TANC1: variants seen among roughly 807,000 people sequenced by gnomAD.
TANC1 encodes tetratricopeptide repeat, ankyrin repeat and coiled-coil containing 1.
A neutral mutation model predicts 149.7 loss-of-function variants in TANC1; 77 were observed. The ratio of observed to expected loss-of-function variants is 0.51; its 90% confidence interval spans 0.43 to 0.62. The LOEUF is 0.62. TANC1 is among the 20% of genes least tolerant of loss of function. TANC1 has a pLI of 0.00. For synonymous variants in TANC1, 854 were observed against 925.0 expected (o/e 0.92, Z 1.39); for missense variants, 1,985 against 2,321.8 (o/e 0.85, Z 2.98).
intron 2 of TANC1, among the ~76,000 whole-genome samples, chr2:159,019,480 A>G (rs2038601172): frequency 6.6e-6 from 1 of 152,104 alleles, no homozygotes; most frequent in Non-Finnish European, 1.5e-5. Context: ...TATGGGCCAC[A>G]CAATATCTGT....
In TANC1 at chr2:159,176,332, A is replaced by T. The variant is rs72951482; in HGVS notation, c.1736-20A>T. On this transcript the variant is annotated intron_variant, in intron 12 of 26. Transcript: ENST00000263635. ...GAAATGTATAATTTCTTAATTTGAA[A>T]AAATTATTTTATCCTGTAGAGCAGA... 174,593 of 1,397,428 alleles carry T rather than the reference A, an allele frequency of 0.12. 11,697 individuals are homozygous for T. Among genetic ancestry groups the T allele is most frequent in the South Asian group, 0.16 (11,846 of 73,176 alleles). The allele number at this position is 1,397,428 out of a possible 1,614,324, so 86.6% of individuals were successfully genotyped here. A position where few individuals can be genotyped will look rare whatever the true frequency, so the allele number is the denominator to read the frequency against.
At chr2:159,000,232 G>A (rs913338248) in intron 1 of TANC1, among the ~76,000 whole-genome samples, 3 of 152,142 alleles carry the variant, frequency 2.0e-5, no homozygotes, top group African/African-American at 7.2e-5. Context: ...TGTGAAGAAG[G>A]TTGGCTTGGA....
At chr2:159,159,113 A>G (rs1415081949) in intron 7 of TANC1, among the ~76,000 whole-genome samples, 1 of 152,086 alleles carries the variant, frequency 6.6e-6, no homozygotes, top group East Asian at 1.9e-4. Flanking sequence ...ACCGACACTG[A>G]TTTTATTTTT....
intron 5 of TANC1, among the ~76,000 whole-genome samples, chr2:159,138,002 A>G (rs962287538): frequency 7.9e-5 from 12 of 152,220 alleles, no homozygotes; most frequent in African/African-American, 2.9e-4. Flanking sequence ...TCCCTTGCTC[A>G]AAGCAGAATT....
chr2:159,174,848 G>A (rs1287673130), intron 11 of TANC1, 105 bp from the exon 12 acceptor site: 1 of 833,808 alleles, frequency 1.2e-6, no homozygotes, highest in African/African-American at 1.7e-5. Context: ...TAGATGCTAT[G>A]TATCTTGTTA....
chr2:159,062,821 G>A (rs1182899900), intron 2 of TANC1, among the ~76,000 whole-genome samples: 1 of 151,042 alleles, frequency 6.6e-6, no homozygotes, highest in East Asian at 1.9e-4. Flanking sequence ...CAAAAAATTA[G>A]CCGGGCGCGG....
intron 3 of TANC1, among the ~76,000 whole-genome samples, chr2:159,081,181 G>A (rs1278856052): frequency 6.6e-6 from 1 of 152,196 alleles, no homozygotes; most frequent in Non-Finnish European, 1.5e-5. Flanking sequence ...ATTATCTTCA[G>A]GAGAAGACAA....
In TANC1 at chr2:159,219,345, A is replaced by T. The variant is rs1199566709; in HGVS notation, c.3486A>T (p.Glu1162Asp). The T allele has an allele frequency of 1.2e-6, 2 of 1,613,006 alleles. No homozygotes were observed. The highest frequency in any genetic ancestry group is 2.7e-5 in the African/African-American group (2 of 74,712). The change falls in exon 21 of 27, where the codon GAA becomes GAT. Residue 1162 changes from glutamate to aspartate, a missense_variant. Physicochemically the swap from Glu to Asp is conservative, Grantham distance 45. Transcript: ENST00000263635. ...AACEGHLSTV[E>D]FLLSKGAALS... ...GTGAAGGGCACTTGAGCACCGTGGA[A>T]TTCCTCCTTTCAAAAGGTAGCAGCG...
intron 1 of TANC1, among the ~76,000 whole-genome samples, chr2:158,981,948 A>G (rs991163077): frequency 1.3e-5 from 2 of 152,140 alleles, no homozygotes; most frequent in African/African-American, 2.4e-5. Flanking sequence ...ATAATTTTCT[A>G]TGTACATTGT....
At chr2:158,994,323 T>C (rs2035945295) in intron 1 of TANC1, among the ~76,000 whole-genome samples, 2 of 152,116 alleles carry the variant, frequency 1.3e-5, no homozygotes, top group African/African-American at 4.8e-5. Flanking sequence ...GCCCAGGCTG[T>C]AGTGCAGTGG....
At chr2:159,119,587 G>T (rs991139335) in intron 4 of TANC1, among the ~76,000 whole-genome samples, 1 of 152,176 alleles carries the variant, frequency 6.6e-6, no homozygotes, top group Non-Finnish European at 1.5e-5. Context: ...ACATCAACCT[G>T]AGCTGTAGCA....
At chr2:159,182,161 A>G (rs1031507610) in intron 14 of TANC1, among the ~76,000 whole-genome samples, 2 of 152,068 alleles carry the variant, frequency 1.3e-5, no homozygotes, top group Non-Finnish European at 2.9e-5. Flanking sequence ...GTGAGTCGAG[A>G]TCGTGCCACT....
intron 4 of TANC1, among the ~76,000 whole-genome samples, chr2:159,133,935 T>C (rs1290839793): frequency 3.3e-5 from 5 of 152,234 alleles, no homozygotes; most frequent in African/African-American, 4.8e-5. Context: ...TGGCTAGGAA[T>C]TGGATTATTT....
Position 159,229,925 on chromosome 2 carries a change from G to A in TANC1, c.4499G>A (p.Arg1500Lys). The change falls in exon 27 of 27, where the codon AGG (arginine) becomes AAG (lysine). Residue 1500 changes from arginine (R) to lysine (K), a missense_variant. This residue lies in a region of TANC1 where 920 missense variants were observed against 994.7 expected (regional missense o/e 0.92). Coordinates refer to ENST00000263635, the MANE Select transcript of TANC1 (RefSeq NM_033394.3). Reference protein sequence around the residue: ...NLQEGLQSKGRPVSPQSRAGI... With the variant: ...NLQEGLQSKGKPVSPQSRAGI... Reference sequence around the variant, plus strand: ...CAAGAAGGGTTACAGTCCAAAGGAAGGCCGGTATCGCCACAGAGCAGGGCA... The same window carrying A: ...CAAGAAGGGTTACAGTCCAAAGGAAAGCCGGTATCGCCACAGAGCAGGGCA... 2.5e-6 allele frequency: 4 copies of A among 1,614,054 alleles called. No homozygotes were observed. Among genetic ancestry groups the A allele is most frequent in the Non-Finnish European group, 3.4e-6 (4 of 1,180,046 alleles).
intron 1 of TANC1, among the ~76,000 whole-genome samples, chr2:158,991,535 C>G (rs186901662): frequency 1.7e-4 from 26 of 152,054 alleles, no homozygotes; most frequent in African/African-American, 6.0e-4. Context: ...GGGTGGATCA[C>G]GAGGTCAGGA....
chr2:159,140,813 C>A (rs1015571761), intron 5 of TANC1, among the ~76,000 whole-genome samples: 7 of 151,468 alleles, frequency 4.6e-5, no homozygotes, highest in African/African-American at 1.2e-4. Context: ...GCCTCAGCCT[C>A]CCGAGTAGCT....
At chr2:159,072,183 T>C (rs2043213824) in intron 3 of TANC1, among the ~76,000 whole-genome samples, 1 of 152,186 alleles carries the variant, frequency 6.6e-6, no homozygotes, top group South Asian at 2.1e-4. Context: ...GGTTTTGCCA[T>C]GTTGGCCGGG....
rs1336027736 is a variant in TANC1, at chr2:159,230,383, G to A, written c.4957G>A (p.Asp1653Asn). 1.9e-6 allele frequency: 3 copies of A among 1,614,112 alleles called. No homozygotes were observed. The highest frequency in any genetic ancestry group is 8.5e-7 in the Non-Finnish European group (1 of 1,180,030). Reference protein sequence around the residue: ...PNQGGLATCSDVRHPASLTSS... With the variant: ...PNQGGLATCSNVRHPASLTSS... Reference sequence around the variant, plus strand: ...CCAAGGTGGGCTGGCGACCTGCAGCGACGTGCGACACCCAGCTTCCCTCAC... The same window carrying A: ...CCAAGGTGGGCTGGCGACCTGCAGCAACGTGCGACACCCAGCTTCCCTCAC... Residue 1653 changes from aspartate (D) to asparagine (N), a missense_variant, in exon 27 of 27, where the codon GAC (aspartate) becomes AAC (asparagine). Asp to Asn is a conservative substitution (Grantham distance 23). This residue lies in a region of TANC1 where 920 missense variants were observed against 994.7 expected (regional missense o/e 0.92). Coordinates refer to ENST00000263635, the MANE Select transcript of TANC1 (RefSeq NM_033394.3). This position sits in a 1 kb window ranked among gnomAD's most constrained non-coding sequence, Gnocchi z 4.4.
chr2:159,002,219 C>T (rs2036673888), intron 2 of TANC1, among the ~76,000 whole-genome samples: 1 of 152,220 alleles, frequency 6.6e-6, no homozygotes, highest in Non-Finnish European at 1.5e-5. Context: ...GACATGAGTT[C>T]AGCCTGGGTG....
Sources: gnomAD v4.1 joint callset for allele counts (sites outside exome capture counted in the v4.1 genomes callset) on GRCh38, gnomAD v4.1.1 for gene constraint, gnomAD v4.1.1 regional missense constraint, Gnocchi (gnomAD v3.1) non-coding constraint, MANE v1.5 for transcripts, NCBI Gene and HGNC (gene_info 2026-07-23, HGNC 2026-07-21) for gene names.